Variants in ZMIZ1 observed in about 807,000 individuals in gnomAD.
ZMIZ1 encodes zinc finger MIZ domain-containing protein 1.
ZMIZ1 carries 17 observed loss-of-function variants against 113.9 expected under a neutral mutation model. That is an observed-to-expected ratio of 0.15 (90% CI 0.10 to 0.22). ZMIZ1 has a LOEUF of 0.22. ZMIZ1 is among the 10% of genes least tolerant of loss of function. The pLI, the probability that ZMIZ1 is intolerant of heterozygous loss-of-function variation, is 1.00. For synonymous variants in ZMIZ1, 607 were observed against 603.1 expected, an observed-to-expected ratio of 1.01 and a Z score of -0.09; for missense variants, 1,059 against 1,477.8, an observed-to-expected ratio of 0.72 and a Z score of 4.65.
chr10:79,312,001 A>G (rs1749336551), intron 24 of ZMIZ1, among the ~76,000 whole-genome samples: 1 of 152,190 alleles, frequency 6.6e-6, no homozygotes, highest in South Asian at 2.1e-4. Context: ...CTCACTGTGC[A>G]GCCATCTCAG....
chr10:79,262,228 T>C (rs1282552717), intron 7 of ZMIZ1, among the ~76,000 whole-genome samples: 1 of 152,218 alleles, frequency 6.6e-6, no homozygotes. Flanking sequence ...GGTCCCCAGG[T>C]CAGCAGCATC....
rs552329316 is a variant in ZMIZ1, at chr10:79,293,313, T to C, written c.958-68T>C. 4 of 1,334,378 alleles carry C rather than the reference T, an allele frequency of 3.0e-6. No homozygotes were observed. The East Asian group carries it at 1.0e-4, about 34-fold the overall frequency. The allele number at this position is 1,334,378 out of a possible 1,614,324, so 82.7% of individuals were successfully genotyped here. On this transcript the variant is annotated intron_variant, in intron 11 of 24. Coordinates refer to ENST00000334512, the MANE Select transcript of ZMIZ1 (RefSeq NM_020338.4). Reference sequence around the variant, plus strand: ...CTCCCCAACCCTTCCCTCCCTGCACTTTCAATGCATGTGGCATTTTATTCT... The same window carrying C: ...CTCCCCAACCCTTCCCTCCCTGCACCTTCAATGCATGTGGCATTTTATTCT...
At chr10:79,240,328 A>G (rs867051032) in intron 7 of ZMIZ1, among the ~76,000 whole-genome samples, 3 of 152,314 alleles carry the variant, frequency 2.0e-5, no homozygotes, top group Admixed American at 6.5e-5. Context: ...ATCCTTATCA[A>G]GGGGGTGGAG....
Position 79,115,424 on chromosome 10 carries a change from G to A in ZMIZ1, c.-336-3491G>A, listed in dbSNP as rs957173419. Among the ~76,000 whole-genome samples, 3 of 152,218 alleles carry A rather than the reference G, an allele frequency of 2.0e-5. No individual in the cohort carries two copies. In the South Asian group the frequency reaches 6.2e-4, roughly 32 times the overall value. On this transcript the variant is annotated intron_variant, in intron 1 of 24. Coordinates refer to ENST00000334512, the MANE Select transcript of ZMIZ1 (RefSeq NM_020338.4). ...TTAGCAAAGGGTCCTGGAGGTAGAAGGCAGGAAGGTGACAGGTGCTGTGGC... is the reference window on the plus strand; with the variant it reads ...TTAGCAAAGGGTCCTGGAGGTAGAAAGCAGGAAGGTGACAGGTGCTGTGGC...
chr10:79,293,527 C>A lies in ZMIZ1; in HGVS notation c.1104C>A (p.Asn368Lys), dbSNP rs1478224548. Residue 368 changes from asparagine to lysine, a missense_variant, in exon 12 of 25, where the codon AAC becomes AAA. Asn to Lys is a moderately conservative substitution (Grantham distance 94, BLOSUM62 0). This residue lies in a region of ZMIZ1 where 83 missense variants were observed against 103.7 expected (regional missense o/e 0.80). Transcript: ENST00000334512. The part of the protein sequence containing the change: ...SGMSGPPMGM[N>K]QPRPPGISPF... ...TGAGCGGCCCTCCCATGGGCATGAACCAGCCCCGGCCGCCCGGCATCAGCC... is the reference window on the plus strand; with the variant it reads ...TGAGCGGCCCTCCCATGGGCATGAAACAGCCCCGGCCGCCCGGCATCAGCC... 1 of 1,610,302 alleles carries A rather than the reference C, an allele frequency of 6.2e-7. No homozygotes were observed. Among genetic ancestry groups the A allele is most frequent in the Non-Finnish European group, 8.5e-7 (1 of 1,178,244 alleles).
chr10:79,130,638 G>A (rs936305453), intron 2 of ZMIZ1, among the ~76,000 whole-genome samples: 1 of 152,080 alleles, frequency 6.6e-6, no homozygotes, highest in African/African-American at 2.4e-5. Flanking sequence ...TAGGCGCTGG[G>A]GTCATAATAT....
intron 2 of ZMIZ1, among the ~76,000 whole-genome samples, chr10:79,132,646 TTGGAAA>T (rs1372702746): frequency 1.3e-5 from 2 of 152,210 alleles, no homozygotes; most frequent in Non-Finnish European, 2.9e-5. Context: ...TGGCCCAGAA[TTGGAAA>T]TGGCTCTTCA....
intron 4 of ZMIZ1, among the ~76,000 whole-genome samples, chr10:79,163,348 G>T (rs1846191956): frequency 6.6e-6 from 1 of 152,258 alleles, no homozygotes; most frequent in Non-Finnish European, 1.5e-5. Context: ...CTGATTGGCT[G>T]CATGACCTTG....
intron 7 of ZMIZ1, among the ~76,000 whole-genome samples, chr10:79,234,767 G>A (rs1171541140): frequency 1.3e-5 from 2 of 152,312 alleles, no homozygotes; most frequent in East Asian, 3.9e-4. Flanking sequence ...AGCCTACTCC[G>A]GCCTTTACAG....
In ZMIZ1 at chr10:79,097,175, G is replaced by A. The variant is rs528789795; in HGVS notation, c.-336-21740G>A. Reference sequence around the variant, plus strand: ...GTGTGGACATGCCTGTATCTGCTGGGGGGTCCCACATGGTGCTGGCTCCCT... The same window carrying A: ...GTGTGGACATGCCTGTATCTGCTGGAGGGTCCCACATGGTGCTGGCTCCCT... On this transcript the variant is annotated intron_variant, in intron 1 of 24. Transcript: ENST00000334512. 3.3e-5 allele frequency among the ~76,000 whole-genome samples: 5 copies of A among 152,282 alleles called. No homozygotes were observed. The South Asian group carries it at 1.0e-3, about 32-fold the overall frequency.
At chr10:79,306,049 C>A in intron 21 of ZMIZ1, 51 bp from the exon 22 acceptor site, 1 of 1,582,554 alleles carries the variant, frequency 6.3e-7, no homozygotes, top group African/African-American at 1.3e-5. Flanking sequence ...TGCTTTTATG[C>A]CCAAAGCCAG....
At chr10:79,123,795 T>C (rs1216910486) in intron 2 of ZMIZ1, among the ~76,000 whole-genome samples, 2 of 152,176 alleles carry the variant, frequency 1.3e-5, no homozygotes, top group African/African-American at 4.8e-5. Flanking sequence ...CAGGGTTACA[T>C]AGGCGGTTTG....
At chr10:79,128,644 G>A (rs1844621906) in intron 2 of ZMIZ1, among the ~76,000 whole-genome samples, 1 of 152,162 alleles carries the variant, frequency 6.6e-6, no homozygotes. Context: ...GACCAGAAGG[G>A]GAAGGTCTTG....
chr10:79,187,413 G>A (rs775484168), intron 4 of ZMIZ1, among the ~76,000 whole-genome samples: 7 of 152,350 alleles, frequency 4.6e-5, no homozygotes, highest in South Asian at 4.1e-4. Flanking sequence ...GACCTTGGGC[G>A]AGTTGTGTAA....
At chr10:79,108,797 C>T (rs1843641200) in intron 1 of ZMIZ1, among the ~76,000 whole-genome samples, 1 of 152,128 alleles carries the variant, frequency 6.6e-6, no homozygotes, top group Non-Finnish European at 1.5e-5. Context: ...GGCCTAACTA[C>T]ATCAGCACAG....
rs1033806732 is a variant in ZMIZ1 at position 79,302,205 on chromosome 10, C to T, written c.2118C>T (p.Ile706=). 1.2e-6 allele frequency: 2 copies of T among 1,613,412 alleles called. No individual in the cohort carries two copies. The highest frequency in any genetic ancestry group is 1.7e-6 in the Non-Finnish European group (2 of 1,179,994). The change falls in exon 18 of 25, where the codon ATC becomes ATT. Residue 706 remains isoleucine (I), a synonymous_variant. Coordinates refer to ENST00000334512, the MANE Select transcript of ZMIZ1 (RefSeq NM_020338.4). ...GCCTCCTGCCCGCAGAGCACTGTAT[C>T]ACGAAAAGTGAGTCAGGGTGGGGAC... ...KKRLLPAEHC[I]TKIKRNFSSV... is the part of the protein sequence containing the mutation.
intron 5 of ZMIZ1, among the ~76,000 whole-genome samples, chr10:79,205,750 C>A (rs956297852): frequency 6.6e-6 from 1 of 152,124 alleles, no homozygotes; most frequent in African/African-American, 2.4e-5. Context: ...CTGTGCACTT[C>A]AGTCACCTCT....
intron 1 of ZMIZ1, among the ~76,000 whole-genome samples, chr10:79,110,632 C>T (rs530703313): frequency 6.6e-6 from 1 of 152,332 alleles, no homozygotes; most frequent in African/African-American, 2.4e-5. Context: ...AGCCACCCAG[C>T]CCCACAATGG....
At chr10:79,124,339 A>C (rs966665003) in intron 2 of ZMIZ1, among the ~76,000 whole-genome samples, 3 of 152,236 alleles carry the variant, frequency 2.0e-5, no homozygotes, top group African/African-American at 7.2e-5. Flanking sequence ...ACAAATGAGA[A>C]AACTCAAAGC....
Sources: gnomAD v4.1 joint callset for allele counts (sites outside exome capture counted in the v4.1 genomes callset) on GRCh38, gnomAD v4.1.1 for gene constraint, gnomAD v4.1.1 regional missense constraint, MANE v1.5 for transcripts, NCBI Gene and HGNC (gene_info 2026-07-23, HGNC 2026-07-21) for gene names.